The following DNAH3 variants were observed in gnomAD, a reference collection of about 807,000 sequenced individuals.
DNAH3 encodes the protein axonemal beta dynein heavy chain 3.
DNAH3 carries 332 observed loss-of-function variants against 432.5 expected under a neutral mutation model. That is an observed-to-expected ratio of 0.77 (90% confidence interval 0.70 to 0.84). The LOEUF (loss-of-function observed/expected upper bound fraction) is 0.84, where lower values mean the gene tolerates loss of function less well. Among genes scored for constraint, DNAH3 ranks in the 40% least tolerant of loss-of-function variants. DNAH3 has a pLI of 0.00. For missense variants in DNAH3, 4,861 were observed against 5,114.0 expected (o/e 0.95, Z 1.51); for synonymous variants, 1,956 against 1,900.2 (o/e 1.03, Z -0.76).
chr16:20,953,860 T>A (rs2084430678), intron 55 of DNAH3, among the ~76,000 whole-genome samples: 1 of 151,556 alleles, frequency 6.6e-6, no homozygotes, highest in Non-Finnish European at 1.5e-5. Flanking sequence ...TCCTCCCACC[T>A]CAGCCTCCCA....
intron 1 of DNAH3, among the ~76,000 whole-genome samples, chr16:21,157,641 A>G (rs1410156747): frequency 6.6e-6 from 1 of 152,054 alleles, no homozygotes; most frequent in Non-Finnish European, 1.5e-5. Context: ...GCTTTTTGTT[A>G]TCTAAAGACT....
chr16:20,943,940 C>T (rs547960109), intron 58 of DNAH3, among the ~76,000 whole-genome samples: 9 of 151,648 alleles, frequency 5.9e-5, no homozygotes, highest in South Asian at 4.2e-4. Context: ...GACAAGATCA[C>T]GCCACTGCGC....
intron 34 of DNAH3, among the ~76,000 whole-genome samples, 156 bp downstream of exon 34, chr16:21,037,605 C>G (rs967231517): frequency 4.6e-5 from 7 of 152,150 alleles, no homozygotes; most frequent in Non-Finnish European, 1.0e-4. Context: ...ATCTATCACT[C>G]TTATTATTTA....
At chr16:20,987,188 A>G in intron 47 of DNAH3, 117 bp downstream of exon 47, 1 of 1,271,470 alleles carries the variant, frequency 7.9e-7, no homozygotes. Context: ...CTGTTTCCCG[A>G]GATTCAGAGT....
intron 6 of DNAH3, among the ~76,000 whole-genome samples, chr16:21,135,166 A>G (rs917977963): frequency 2.6e-5 from 4 of 152,146 alleles, no homozygotes; most frequent in Admixed American, 6.5e-5. Context: ...TCTGGGGTTG[A>G]GCCCTGGTAG....
chr16:20,935,229 G>A (rs2152564106), intron 61 of DNAH3, 119 bp downstream of exon 61: 2 of 1,177,492 alleles, frequency 1.7e-6, no homozygotes, highest in East Asian at 2.4e-5. Context: ...TGCTTCATAT[G>A]TACCATTTCA....
At chr16:21,126,787 C>A (rs914268286) in intron 8 of DNAH3, among the ~76,000 whole-genome samples, 1 of 152,034 alleles carries the variant, frequency 6.6e-6, no homozygotes, top group Non-Finnish European at 1.5e-5. Flanking sequence ...AGATCAGCAG[C>A]GGCATTAGAT....
rs117459513 is a variant in DNAH3, at chr16:21,069,227, G to A, written c.3381+188C>T. On this transcript the variant is annotated intron_variant, in intron 23 of 61. Transcript: ENST00000261383. Reference sequence around the variant, plus strand: ...CCCAAAGTGATGGGATTATAGGCATGAGCCATCGCACTGGTCATATGTTTG... The same window carrying A: ...CCCAAAGTGATGGGATTATAGGCATAAGCCATCGCACTGGTCATATGTTTG... 1.1e-3 allele frequency among the ~76,000 whole-genome samples: 170 copies of A among 152,302 alleles called. 2 individuals are homozygous for A. Among genetic ancestry groups the A allele is most frequent in the Non-Finnish European group, 1.8e-3 (120 of 68,034 alleles).
At chr16:21,096,421 T>A (rs1567783431) in intron 18 of DNAH3, among the ~76,000 whole-genome samples, 1 of 152,074 alleles carries the variant, frequency 6.6e-6, no homozygotes, top group Non-Finnish European at 1.5e-5. Context: ...TGTGAGCCAC[T>A]GCACCCAGAC....
chr16:21,054,595 G>C (rs2090070448), intron 27 of DNAH3, 61 bp from the exon 28 acceptor site: 2 of 1,286,846 alleles, frequency 1.6e-6, no homozygotes, highest in Non-Finnish European at 2.2e-6. Flanking sequence ...TAATCCCCAT[G>C]TCAAGAAATG....
At chr16:21,122,162 T>C in intron 9 of DNAH3, 38 bp from the exon 11 acceptor site, 1 of 1,557,540 alleles carries the variant, frequency 6.4e-7, no homozygotes. Flanking sequence ...GTTACAAAAT[T>C]GGGCCTTCCA....
In DNAH3 at chr16:21,140,524, A is replaced by G. The variant is rs1411599972; in HGVS notation, c.696+12T>C. On this transcript the variant is annotated intron_variant, in intron 5 of 61. Coordinates refer to ENST00000261383, the Ensembl canonical transcript of DNAH3. ...TCAGCAAACCGAGGGAAAGGGGGCA[A>G]CAGGAACGTACCTCCAGGTCCGATT... The G allele has an allele frequency of 5.6e-6, 9 of 1,611,372 alleles. No homozygotes were observed. Among genetic ancestry groups the G allele is most frequent in the Non-Finnish European group, 6.8e-6 (8 of 1,178,044 alleles).
chr16:21,148,767 C>T (rs929913401), intron 1 of DNAH3, among the ~76,000 whole-genome samples: 1 of 152,102 alleles, frequency 6.6e-6, no homozygotes, highest in Non-Finnish European at 1.5e-5. Flanking sequence ...CCCAGTCTGT[C>T]GATCAGGAAC....
chr16:21,124,825 T>A (rs1332363007), intron 9 of DNAH3, among the ~76,000 whole-genome samples: 1 of 152,122 alleles, frequency 6.6e-6, no homozygotes, highest in Non-Finnish European at 1.5e-5. Context: ...AATTTTTGTA[T>A]TTTTAGTAGA....
At chr16:20,956,112 G>A (rs1159169956) in intron 54 of DNAH3, among the ~76,000 whole-genome samples, 2 of 151,866 alleles carry the variant, frequency 1.3e-5, no homozygotes, top group African/African-American at 4.8e-5. Context: ...ATTTTTAGTA[G>A]AGACAGGGTT....
At chr16:20,952,718 G>A (rs1367393558) in intron 55 of DNAH3, among the ~76,000 whole-genome samples, 169 bp from the exon 56 acceptor site, 2 of 152,208 alleles carry the variant, frequency 1.3e-5, no homozygotes, top group East Asian at 1.9e-4. Flanking sequence ...ACCAACATGG[G>A]AGCCATTCTG....
At chr16:20,994,781 A>G (rs928662050) in intron 44 of DNAH3, among the ~76,000 whole-genome samples, 4 of 152,140 alleles carry the variant, frequency 2.6e-5, no homozygotes, top group African/African-American at 9.7e-5. Flanking sequence ...TCACTTAATG[A>G]TATGGTTTAT....
At chr16:20,951,009 T>C (rs1191192823) in intron 56 of DNAH3, among the ~76,000 whole-genome samples, 1 of 152,022 alleles carries the variant, frequency 6.6e-6, no homozygotes, top group Non-Finnish European at 1.5e-5. Context: ...TATTTCTTTG[T>C]AGAGATGTGG....
chr16:21,137,603 A>G (rs2092661771), intron 5 of DNAH3, among the ~76,000 whole-genome samples: 1 of 151,854 alleles, frequency 6.6e-6, no homozygotes, highest in African/African-American at 2.4e-5. Flanking sequence ...TTGTATTTTT[A>G]GTGGAGACGG....
Sources: allele counts gnomAD v4.1 joint callset (sites outside exome capture counted in the v4.1 genomes callset), GRCh38; gene constraint gnomAD v4.1.1; transcripts MANE v1.5; gene names NCBI Gene and HGNC (gene_info 2026-07-23, HGNC 2026-07-21).